APP: variants seen among roughly 807,000 people sequenced by gnomAD.
APP encodes amyloid-beta precursor protein.
A neutral mutation model predicts 101.4 loss-of-function variants in APP; 31 were observed. The observed-to-expected ratio is 0.31, with a 90% CI of 0.23 to 0.41. APP has a LOEUF of 0.41. Ranked by LOEUF, APP falls within the 10% of genes least tolerant of loss-of-function variation. APP has a pLI of 1.00. For synonymous variants in APP, 366 were observed against 364.4 expected, an observed-to-expected ratio of 1.00 and a Z score of -0.05; for missense variants, 839 against 1,003.7, an observed-to-expected ratio of 0.84 and a Z score of 2.22.
Position 26,036,925 on chromosome 21 carries a change from G to A in APP, c.662+14075C>T, listed in dbSNP as rs1426181456. On this transcript the variant is annotated intron_variant, in intron 5 of 17. Transcript: ENST00000346798. ...CACTACTCACAATAGCCAAGATATGGAATAACCTAGATGTCCAAAGAGACT... is the reference window on the plus strand; with the variant it reads ...CACTACTCACAATAGCCAAGATATGAAATAACCTAGATGTCCAAAGAGACT... Among the ~76,000 whole-genome samples, 2 of 152,140 alleles carry A rather than the reference G, an allele frequency of 1.3e-5. 1 individual carries two copies. Among genetic ancestry groups the A allele is most frequent in the Non-Finnish European group, 2.9e-5 (2 of 68,026 alleles).
rs574627863 is a variant in APP at position 26,020,696 on chromosome 21, T to C, written c.865+1144A>G. 1.2e-4 allele frequency among the ~76,000 whole-genome samples: 18 copies of C among 152,330 alleles called. 1 individual carries two copies. Among genetic ancestry groups the C allele is most frequent in the Non-Finnish European group, 1.5e-5 (1 of 68,030 alleles). ...TTCAATCTAGCTCTAGAAGCATCTT[T>C]TACTATCTGCCAAGCAGATGGCAGA... On this transcript the variant is annotated intron_variant, in intron 6 of 17. Coordinates refer to ENST00000346798, the MANE Select transcript of APP (RefSeq NM_000484.4).
At chr21:25,966,836 G>A (rs560669620) in intron 11 of APP, among the ~76,000 whole-genome samples, 54 of 152,246 alleles carry the variant, frequency 3.5e-4, no homozygotes, top group Non-Finnish European at 6.9e-4. Context: ...TTAAAGTTTG[G>A]TTTAGTTGTA....
At chr21:25,998,124 A>T (rs1022155992) in intron 7 of APP, among the ~76,000 whole-genome samples, 1 of 152,084 alleles carries the variant, frequency 6.6e-6, no homozygotes, top group South Asian at 2.1e-4. Flanking sequence ...AAACCAAATA[A>T]ATCTCTTATT....
intron 10 of APP, 108 bp from the exon 11 acceptor site, chr21:25,975,336 A>C (rs1235773052): frequency 7.2e-7 from 1 of 1,397,904 alleles, no homozygotes; most frequent in Non-Finnish European, 1.0e-6. Context: ...TAGTGCTAAA[A>C]AGTATCCTAA....
chr21:26,003,404 T>A (rs964924939), intron 6 of APP, among the ~76,000 whole-genome samples: 3 of 152,228 alleles, frequency 2.0e-5, no homozygotes, highest in Non-Finnish European at 1.5e-5. Context: ...TAGGGGCAGT[T>A]GGCACTCTTG....
chr21:25,991,577 C>T (rs1358271398), intron 8 of APP, among the ~76,000 whole-genome samples: 1 of 152,182 alleles, frequency 6.6e-6, no homozygotes, highest in Non-Finnish European at 1.5e-5. Flanking sequence ...GGGGTTTCGC[C>T]ATGTTGGCCA....
intron 13 of APP, among the ~76,000 whole-genome samples, chr21:25,952,183 T>TACACACAC (rs1235142196): frequency 8.3e-6 from 1 of 120,386 alleles, no homozygotes; most frequent in African/African-American, 2.8e-5. Context: ...GAGAGCATAT[T>TACACACAC]ACATACATAC....
chr21:25,996,873 T>G (rs2043076686), intron 8 of APP, among the ~76,000 whole-genome samples: 1 of 152,218 alleles, frequency 6.6e-6, no homozygotes, highest in African/African-American at 2.4e-5. Flanking sequence ...TTTAAGCCTT[T>G]GTTTTTTAAT....
chr21:25,930,531 A>G (rs900088386), intron 13 of APP, among the ~76,000 whole-genome samples: 3 of 151,932 alleles, frequency 2.0e-5, no homozygotes, highest in East Asian at 3.9e-4. Flanking sequence ...AAAGAGCCTA[A>G]AAAGACTTAT....
intron 3 of APP, among the ~76,000 whole-genome samples, chr21:26,071,232 C>T (rs1348838734): frequency 2.0e-5 from 3 of 152,114 alleles, no homozygotes; most frequent in Non-Finnish European, 4.4e-5. Flanking sequence ...ACAGCGAGCC[C>T]CGCCTTCCTT....
chr21:26,133,937 G>A (rs1241167280), intron 1 of APP, among the ~76,000 whole-genome samples: 1 of 152,116 alleles, frequency 6.6e-6, no homozygotes, highest in African/African-American at 2.4e-5. Flanking sequence ...ACTTAACTTG[G>A]TTGTGACTTT....
chr21:26,137,632 C>T (rs2062949729), intron 1 of APP, among the ~76,000 whole-genome samples: 1 of 151,976 alleles, frequency 6.6e-6, no homozygotes, highest in African/African-American at 2.4e-5. Context: ...AGCAAGACAC[C>T]AAAACTAAGA....
chr21:25,909,517 GAAGTACTTAATC>G (rs1441686746), intron 14 of APP, among the ~76,000 whole-genome samples: 2 of 150,804 alleles, frequency 1.3e-5, no homozygotes, highest in Non-Finnish European at 2.9e-5. Context: ...CAAGTATCCA[GAAGTACTTAATC>G]AAGGGCTTTG....
intron 17 of APP, among the ~76,000 whole-genome samples, chr21:25,883,546 A>C (rs2037130798): frequency 2.6e-5 from 4 of 152,160 alleles, no homozygotes; most frequent in Admixed American, 2.6e-4. Context: ...AAAAAAATTT[A>C]GCCAGGCACA....
chr21:25,884,213 CTG>C (rs1462724206), intron 17 of APP, among the ~76,000 whole-genome samples: 7 of 152,178 alleles, frequency 4.6e-5, no homozygotes, highest in East Asian at 3.8e-4. Context: ...ATGGAAGAGA[CTG>C]TGCGCCACTG....
intron 13 of APP, among the ~76,000 whole-genome samples, chr21:25,930,586 T>TTACA (rs2040102172): frequency 6.7e-6 from 1 of 150,058 alleles, no homozygotes; most frequent in African/African-American, 2.5e-5. Flanking sequence ...ATAGCACAAA[T>TTACA]TATATATATA....
intron 1 of APP, among the ~76,000 whole-genome samples, chr21:26,155,620 G>C (rs2063359602): frequency 6.6e-6 from 1 of 152,152 alleles, no homozygotes; most frequent in African/African-American, 2.4e-5. Context: ...AATGTGTAAA[G>C]GGCTGTTTTA....
chr21:25,917,276 A>T (rs1266133862), intron 13 of APP, among the ~76,000 whole-genome samples: 1 of 152,176 alleles, frequency 6.6e-6, no homozygotes, highest in East Asian at 1.9e-4. Context: ...AAAAAAAAAA[A>T]AAAAATGCTT....
chr21:25,966,833 T>C (rs1004151876), intron 11 of APP, among the ~76,000 whole-genome samples: 1 of 152,206 alleles, frequency 6.6e-6, no homozygotes, highest in Non-Finnish European at 1.5e-5. Flanking sequence ...TGGTTAAAGT[T>C]TGGTTTAGTT....
Sources: gnomAD v4.1 joint callset for allele counts (sites outside exome capture counted in the v4.1 genomes callset) on GRCh38, gnomAD v4.1.1 for gene constraint, MANE v1.5 for transcripts, NCBI Gene and HGNC (gene_info 2026-07-23, HGNC 2026-07-21) for gene names.